The following PKD2 variants were observed in gnomAD, a reference collection of about 807,000 sequenced individuals.
PKD2 encodes polycystin 2, transient receptor potential cation channel.
PKD2 carries 48 observed loss-of-function variants against 105.9 expected under a neutral mutation model. The ratio of observed to expected loss-of-function variants is 0.45; its 90% CI spans 0.36 to 0.58. PKD2 has a LOEUF of 0.58. Ranked by LOEUF, PKD2 falls within the 20% of genes least tolerant of loss-of-function variation. PKD2 has a pLI of 0.00. For missense variants in PKD2, 1,078 were observed against 1,255.3 expected (o/e 0.86, Z 2.13); for synonymous variants, 464 against 481.1 (o/e 0.96, Z 0.46).
Position 88,043,227 on chromosome 4 carries a change from A to T in PKD2, c.1095-6A>T, listed in dbSNP as rs780740946. 6.4e-6 allele frequency: 10 copies of T among 1,567,314 alleles called. No individual in the cohort carries two copies. The highest frequency in any genetic ancestry group is 1.7e-5 in the Admixed American group (1 of 58,520). On this transcript the variant is annotated splice_polypyrimidine_tract_variant and splice_region_variant and intron_variant, in intron 4 of 14. Transcript: ENST00000237596. ...CTGTTTGTTTTTTGGTTTTGTTTTT[A>T]ATCAGTTGGATCTACACAAGTGAAA...
rs375543446 is a variant in PKD2 at position 88,052,029 on chromosome 4, A to T, written c.1587A>T (p.Thr529=). 852 of 1,600,190 alleles carry T rather than the reference A, an allele frequency of 5.3e-4. 18 individuals are homozygous for T. In the South Asian group the frequency reaches 8.7e-3, roughly 16 times the overall value. ...CTATAGGAATTAACATATACAGAAC[A>T]TCAAATGTGGAGGTGCTACTACAGT... The part of the protein sequence containing the change: ...VVAIGINIYR[T]SNVEVLLQFL... The change falls in exon 7 of 15, where the codon ACA becomes ACT. Residue 529 remains threonine (T), a synonymous_variant. Coordinates refer to ENST00000237596, the MANE Select transcript of PKD2 (RefSeq NM_000297.4).
intron 2 of PKD2, among the ~76,000 whole-genome samples, chr4:88,028,139 C>T (rs943013542): frequency 1.3e-5 from 2 of 152,190 alleles, no homozygotes; most frequent in African/African-American, 4.8e-5. Context: ...AAGAAGAGAT[C>T]TATGTATTTC....
intron 2 of PKD2, 177 bp from the exon 3 acceptor site, chr4:88,036,043 A>T: frequency 6.7e-6 from 6 of 896,410 alleles, no homozygotes; most frequent in Non-Finnish European, 9.1e-6. Flanking sequence ...TAAGCCAGAG[A>T]TATAGAGAGA....
intron 5 of PKD2, among the ~76,000 whole-genome samples, chr4:88,043,825 C>G (rs1432806469): frequency 6.6e-6 from 1 of 152,192 alleles, no homozygotes; most frequent in African/African-American, 2.4e-5. Flanking sequence ...TGACTCATTT[C>G]CTGGAGTTTC....
At chr4:88,036,136 G>A in intron 2 of PKD2, 84 bp from the exon 3 acceptor site, 6 of 1,611,540 alleles carry the variant, frequency 3.7e-6, no homozygotes, top group Non-Finnish European at 5.1e-6. Context: ...TTATCCACAG[G>A]AACAATCCCT....
At chr4:88,040,191 T>G (rs1307880944) in intron 4 of PKD2, among the ~76,000 whole-genome samples, 4 of 152,182 alleles carry the variant, frequency 2.6e-5, no homozygotes, top group African/African-American at 9.7e-5. Context: ...GAACCAAGAT[T>G]TAAGCAGCCT....
At position 88,061,930 on chromosome 4, in the gene PKD2, G is replaced by A; in HGVS notation, c.2044G>A (p.Asp682Asn). The A allele has an allele frequency of 6.4e-7, 1 of 1,563,252 alleles. No homozygotes were observed. The highest frequency in any genetic ancestry group is 8.8e-7 in the Non-Finnish European group (1 of 1,134,146). ...LLNMFLAIIN[D>N]TYSEVKSDLA... ...GAATATGTTTTTGGCTATCATCAATGATACTTACTCTGAAGTGAAATCTGA... is the reference window on the plus strand; with the variant it reads ...GAATATGTTTTTGGCTATCATCAATAATACTTACTCTGAAGTGAAATCTGA... Residue 682 changes from aspartate (D) to asparagine (N), a missense_variant, in exon 10 of 15, where the codon GAT (aspartate) becomes AAT (asparagine). This residue lies in a region of PKD2 where 868 missense variants were observed against 1,067.3 expected (regional missense o/e 0.81). Transcript: ENST00000237596.
At position 88,052,468 on chromosome 4, in the gene PKD2, T is replaced by C. The variant is rs2728103; in HGVS notation, c.1716+310T>C. ...ATTTTTTCGTAGAGACAAGGTCTCA[T>C]TATGTTGCCCAGGCTGGTTTTGAAC... On this transcript the variant is annotated intron_variant, in intron 7 of 14. Transcript: ENST00000237596. 0.32 allele frequency among the ~76,000 whole-genome samples: 48,209 copies of C among 151,660 alleles called. 11,677 individuals carry two copies. The highest frequency in any genetic ancestry group is 0.67 in the African/African-American group (27,713 of 41,232).
At chr4:88,054,678 G>A (rs1449290570) in intron 7 of PKD2, among the ~76,000 whole-genome samples, 2 of 129,884 alleles carry the variant, frequency 1.5e-5, no homozygotes, top group African/African-American at 3.3e-5. Context: ...TTTTTGGGAC[G>A]GAGTCTTGCT....
chr4:88,025,295 T>C (rs7669513), intron 2 of PKD2, among the ~76,000 whole-genome samples: 1 of 151,950 alleles, frequency 6.6e-6, no homozygotes, highest in Non-Finnish European at 1.5e-5. Context: ...TTGTCTCTAT[T>C]AAAAATTTTA....
intron 1 of PKD2, among the ~76,000 whole-genome samples, chr4:88,012,045 C>CCACA (rs1165164675): frequency 1.3e-5 from 2 of 151,746 alleles, no homozygotes; most frequent in Non-Finnish European, 2.9e-5. Flanking sequence ...TACAGCCACC[C>CCACA]CACACACACA....
At chr4:88,062,348 GA>G (rs1720606714) in intron 10 of PKD2, among the ~76,000 whole-genome samples, 1 of 152,150 alleles carries the variant, frequency 6.6e-6, no homozygotes, top group African/African-American at 2.4e-5. Context: ...AACTAGAAGG[GA>G]AGATTATATA....
At position 88,047,954 on chromosome 4, in the gene PKD2, C is replaced by T. The variant is rs74658684; in HGVS notation, c.1548+1084C>T. Among the ~76,000 whole-genome samples, 46 of 152,158 alleles carry T rather than the reference C, an allele frequency of 3.0e-4. 1 individual carries two copies. The East Asian group carries it at 8.7e-3, about 29-fold the overall frequency. ...CTAAGATTTTTTTCAAGATGTTTTCCCTTCATCCTTATCACTTAATTAAGC... is the reference window on the plus strand; with the variant it reads ...CTAAGATTTTTTTCAAGATGTTTTCTCTTCATCCTTATCACTTAATTAAGC... On this transcript the variant is annotated intron_variant, in intron 6 of 14. Transcript: ENST00000237596.
At chr4:88,016,128 G>C (rs1726550660) in intron 1 of PKD2, among the ~76,000 whole-genome samples, 1 of 152,172 alleles carries the variant, frequency 6.6e-6, no homozygotes, top group African/African-American at 2.4e-5. Flanking sequence ...GCGGAGCTCG[G>C]GCGGTAATGC....
In PKD2 at chr4:88,061,931, A is replaced by G; in HGVS notation, c.2045A>G (p.Asp682Gly). Residue 682 changes from aspartate to glycine, a missense_variant, in exon 10 of 15, where the codon GAT becomes GGT. Asp to Gly is a moderately conservative substitution (Grantham distance 94, BLOSUM62 -1). Around this residue, in one of 2 missense-constraint regions of PKD2, gnomAD observed 868 missense variants for 1,067.3 expected, o/e 0.81. Coordinates refer to ENST00000237596, the MANE Select transcript of PKD2 (RefSeq NM_000297.4). ...AATATGTTTTTGGCTATCATCAATG[A>G]TACTTACTCTGAAGTGAAATCTGAC... The part of the protein sequence containing the change: ...LLNMFLAIIN[D>G]TYSEVKSDLA... 1 of 1,564,896 alleles carries G rather than the reference A, an allele frequency of 6.4e-7. No homozygotes were observed. Among genetic ancestry groups the G allele is most frequent in the Non-Finnish European group, 8.8e-7 (1 of 1,135,448 alleles).
chr4:88,045,276 C>T (rs1470698594), intron 5 of PKD2, among the ~76,000 whole-genome samples: 2 of 152,206 alleles, frequency 1.3e-5, no homozygotes, highest in East Asian at 3.9e-4. Context: ...ATGAAGCTGT[C>T]ACATACAAGG....
chr4:88,062,140 A>C (rs1034451209), intron 10 of PKD2, 136 bp downstream of exon 10: 1 of 618,186 alleles, frequency 1.6e-6, no homozygotes, highest in Non-Finnish European at 3.0e-6. Context: ...TTCAGGAATA[A>C]TTTAAATGTT....
chr4:88,073,416 C>T (rs1305381873), intron 13 of PKD2, among the ~76,000 whole-genome samples: 2 of 151,906 alleles, frequency 1.3e-5, no homozygotes, highest in Non-Finnish European at 2.9e-5. Context: ...GTCCCAGCTA[C>T]TCGGGAGGCT....
intron 1 of PKD2, among the ~76,000 whole-genome samples, chr4:88,016,215 G>A (rs945334539): frequency 4.6e-5 from 7 of 152,154 alleles, no homozygotes; most frequent in Non-Finnish European, 1.0e-4. Flanking sequence ...TCTGCAGCCT[G>A]GGGACTGGGG....
Sources: allele counts gnomAD v4.1 joint callset (sites outside exome capture counted in the v4.1 genomes callset), GRCh38; gene constraint gnomAD v4.1.1; regional missense constraint gnomAD v4.1.1; transcripts MANE v1.5; gene names NCBI Gene and HGNC (gene_info 2026-07-23, HGNC 2026-07-21).